Variants in RHOBTB2 observed in about 807,000 individuals in gnomAD.
RHOBTB2 encodes rho-related BTB domain-containing protein 2.
A neutral mutation model predicts 66.5 loss-of-function variants in RHOBTB2; 39 were observed. That is an observed-to-expected ratio of 0.59 (90% CI 0.45 to 0.77). The LOEUF (loss-of-function observed/expected upper bound fraction) is 0.77. Ranked by LOEUF, RHOBTB2 falls within the 30% of genes least tolerant of loss-of-function variation. The pLI, the probability that RHOBTB2 is intolerant of heterozygous loss-of-function variation, is 0.00. For synonymous variants in RHOBTB2, 390 were observed against 395.0 expected (o/e 0.99, Z 0.15); for missense variants, 755 against 999.1 (o/e 0.76, Z 3.29).
chr8:23,019,723 C>T lies in RHOBTB2; in HGVS notation c.*2254C>T, dbSNP rs1371341474. The T allele has an allele frequency of 6.3e-6, 1 of 159,400 alleles. No individual in the cohort carries two copies. The highest frequency in any genetic ancestry group is 2.4e-5 in the African/African-American group (1 of 41,592). 9.9% of individuals were successfully genotyped at this position (159,400 alleles called of 1,614,324 possible). ...AGGTCGACCCAGGGCTGTAGGAAGC[C>T]ATAGGAGAGTGACCACGGGATTCCC... On this transcript the variant is annotated 3_prime_UTR_variant, in exon 10 of 10. Coordinates refer to ENST00000251822, the MANE Select transcript of RHOBTB2 (RefSeq NM_015178.3).
upstream of RHOBTB2, among the ~76,000 whole-genome samples, chr8:22,986,899 G>A (rs1385014964): frequency 1.3e-5 from 2 of 152,354 alleles, no homozygotes; most frequent in South Asian, 2.1e-4. Flanking sequence ...CTTTTCTGCT[G>A]TTTGTTTTCT....
the RHOBTB2 span, among the ~76,000 whole-genome samples, chr8:22,953,803 T>C: frequency 6.6e-6 from 1 of 152,166 alleles, no homozygotes; most frequent in Non-Finnish European, 1.5e-5. Flanking sequence ...GATTATGCAA[T>C]CCTCACGATG....
At chr8:22,996,561 G>GTGTC (rs1810572066), upstream of RHOBTB2, among the ~76,000 whole-genome samples, 16 of 109,346 alleles carry the variant, frequency 1.5e-4, no homozygotes, top group African/African-American at 1.5e-4. Flanking sequence ...GTGTGTGTGT[G>GTGTC]TGTGTGTCTG....
At chr8:22,997,285 G>C (rs924384589), upstream of RHOBTB2, among the ~76,000 whole-genome samples, 6 of 152,068 alleles carry the variant, frequency 3.9e-5, no homozygotes, top group African/African-American at 1.4e-4. Flanking sequence ...AACTGATTGG[G>C]GCGCCAACCA....
upstream of RHOBTB2, chr8:22,994,557 C>T: frequency 1.3e-6 from 2 of 1,545,606 alleles, no homozygotes; most frequent in South Asian, 1.2e-5. Context: ...TTCCTCACAA[C>T]CAGGAGCCTG....
upstream of RHOBTB2, chr8:22,999,163 C>A (rs552174037): frequency 6.6e-6 from 1 of 152,408 alleles, no homozygotes; most frequent in Non-Finnish European, 1.5e-5. Context: ...CCCCCGCCCC[C>A]CCGACTGCCC....
Position 22,994,519 on chromosome 8 carries a change from C to G in RHOBTB2, c.-23-42C>G, listed in dbSNP as rs1810496068. The G allele has an allele frequency of 6.2e-5, 78 of 1,253,410 alleles. 2 individuals are homozygous for G. The South Asian group carries it at 9.4e-4, about 15-fold the overall frequency. The allele number at this position is 1,253,410 out of a possible 1,614,324, so 77.6% of individuals were successfully genotyped here. ...TGCTCATTCCCTTTCTCCCCTCTGT[C>G]TCCCCTGCCCCGCCCCATCCACTCC... On this transcript the variant is annotated intron_variant, in intron 2 of 11. Coordinates refer to the RHOBTB2 transcript ENST00000519685.
At position 23,004,769 on chromosome 8, in the gene RHOBTB2, A is replaced by T; in HGVS notation, c.192+143A>T. 1.3e-6 allele frequency: 1 copy of T among 775,726 alleles called. No individual in the cohort carries two copies. The highest frequency in any genetic ancestry group is 2.1e-6 in the Non-Finnish European group (1 of 480,618). The allele number at this position is 775,726 out of a possible 1,614,324, so 48.1% of individuals were successfully genotyped here. A position where few individuals can be genotyped will look rare whatever the true frequency, so the allele number is the denominator to read the frequency against. ...ATGGGTTGGGGGCAGCTGAAGAGGA[A>T]GGAGCCCCTGGAGAGAGGTTTAAGC... On this transcript the variant is annotated intron_variant, in intron 2 of 9. Coordinates refer to ENST00000251822, the MANE Select transcript of RHOBTB2 (RefSeq NM_015178.3). This position sits in a 1 kb window ranked among gnomAD's most constrained non-coding sequence, Gnocchi z 6.4.
the RHOBTB2 span, among the ~76,000 whole-genome samples, chr8:22,952,307 T>A: frequency 6.6e-6 from 1 of 152,060 alleles, no homozygotes; most frequent in Non-Finnish European, 1.5e-5. Context: ...AAGTGAGTCA[T>A]GCAGACCCCC....
Position 23,007,463 on chromosome 8 carries a change from C to A in RHOBTB2, c.1218C>A (p.Thr406=), listed in dbSNP as rs960412645. 1.9e-6 allele frequency: 3 copies of A among 1,614,172 alleles called. No homozygotes were observed. Among genetic ancestry groups the A allele is most frequent in the Non-Finnish European group, 2.5e-6 (3 of 1,180,006 alleles). The change falls in exon 5 of 10, where the codon ACC becomes ACA. Residue 406 remains threonine, a synonymous_variant. Coordinates refer to ENST00000251822, the MANE Select transcript of RHOBTB2 (RefSeq NM_015178.3). ...AAGAGATGGCAGAAGATCCTCTCAC[C>A]TACAAATCCCGGCTGATGGTGGTGG... ...IQEEMAEDPL[T]YKSRLMVVVK...
the RHOBTB2 span, among the ~76,000 whole-genome samples, chr8:22,979,036 G>C: frequency 6.6e-6 from 1 of 152,012 alleles, no homozygotes; most frequent in Non-Finnish European, 1.5e-5. Context: ...ATACCAAGTT[G>C]CAACTTTGTG....
At position 23,007,577 on chromosome 8, in the gene RHOBTB2, C is replaced by T. The variant is rs776282375; in HGVS notation, c.1332C>T (p.Asp444=). Residue 444 remains aspartate (D), a synonymous_variant, in exon 5 of 10, where the codon GAC becomes GAT. Transcript: ENST00000251822. ...YTGELDENER[D]LMHIAHIAEL... is the part of the protein sequence containing the mutation. Reference sequence around the variant, plus strand: ...GGGAGCTAGATGAGAACGAGCGTGACCTCATGCACATTGCCCACATTGCTG... The same window carrying T: ...GGGAGCTAGATGAGAACGAGCGTGATCTCATGCACATTGCCCACATTGCTG... The T allele has an allele frequency of 1.2e-6, 2 of 1,614,192 alleles. No individual in the cohort carries two copies. The highest frequency in any genetic ancestry group is 1.1e-5 in the South Asian group (1 of 91,084).
intron 1 of RHOBTB2, among the ~76,000 whole-genome samples, chr8:22,991,415 G>C (rs775753651): frequency 2.6e-5 from 4 of 152,158 alleles, no homozygotes; most frequent in Non-Finnish European, 5.9e-5. Context: ...ATAAACAAAA[G>C]GGAGGAGGAG....
At chr8:22,953,680 C>T in the RHOBTB2 span, among the ~76,000 whole-genome samples, 1 of 152,186 alleles carries the variant, frequency 6.6e-6, no homozygotes, top group Non-Finnish European at 1.5e-5. Context: ...GAGTGCTGTA[C>T]ATCATAGGCA....
the RHOBTB2 span, among the ~76,000 whole-genome samples, chr8:22,961,183 C>T: frequency 2.0e-5 from 3 of 152,042 alleles, no homozygotes; most frequent in Non-Finnish European, 2.9e-5. Flanking sequence ...ATTATGGGAG[C>T]GAGCCATTAA....
At position 23,007,205 on chromosome 8, in the gene RHOBTB2, G is replaced by T; in HGVS notation, c.960G>T (p.Gln320His). Residue 320 changes from glutamine (Q) to histidine (H), a missense_variant, in exon 5 of 10, where the codon CAG becomes CAT. Coordinates refer to ENST00000251822, the MANE Select transcript of RHOBTB2 (RefSeq NM_015178.3). ...GGGGCACCCACCCAGAGGACCACCA[G>T]GGCCACTCTGATCAACACCACCACC... is the stretch of plus-strand genomic sequence containing the variant. ...EPGGTHPEDH[Q>H]GHSDQHHHHH... The T allele has an allele frequency of 7.5e-6, 12 of 1,606,046 alleles. No individual in the cohort carries two copies. The highest frequency in any genetic ancestry group is 9.3e-6 in the Non-Finnish European group (11 of 1,178,944).
chr8:22,958,326 G>T, the RHOBTB2 span, among the ~76,000 whole-genome samples: 1 of 152,180 alleles, frequency 6.6e-6, no homozygotes, highest in Non-Finnish European at 1.5e-5. Flanking sequence ...GAAAAGTGAA[G>T]ACTGGAGGGG....
At chr8:22,996,052 G>A (rs534950482), upstream of RHOBTB2, among the ~76,000 whole-genome samples, 70 of 152,316 alleles carry the variant, frequency 4.6e-4, no homozygotes, top group South Asian at 0.013. Context: ...AGCCTGCTGC[G>A]CTTTGCTAAG....
the RHOBTB2 span, among the ~76,000 whole-genome samples, chr8:22,981,763 T>C: frequency 6.6e-6 from 1 of 152,130 alleles, no homozygotes. Context: ...GAATGAGCAA[T>C]AGGCCCACTC....
Sources: allele counts gnomAD v4.1 joint callset (sites outside exome capture counted in the v4.1 genomes callset), GRCh38; gene constraint gnomAD v4.1.1; non-coding constraint Gnocchi (gnomAD v3.1); transcripts MANE v1.5; gene names NCBI Gene and HGNC (gene_info 2026-07-23, HGNC 2026-07-21).